Variants in ZNF100 observed in about 807,000 individuals in gnomAD.
The protein encoded by ZNF100 is zinc finger protein 100 (Y1).
In ZNF100, 12 loss-of-function variants were observed where a neutral mutation model predicts 15.8. The observed-to-expected ratio is 0.76, with a 90% CI of 0.49 to 1.23. The LOEUF (loss-of-function observed/expected upper bound fraction) is 1.23. Among genes scored for constraint, ZNF100 ranks in the 50% most tolerant of loss-of-function variants. ZNF100 has a pLI of 0.00. For missense variants in ZNF100, 670 were observed against 635.6 expected (o/e 1.05, Z -0.58); for synonymous variants, 226 against 214.8 (o/e 1.05, Z -0.45).
chr19:21,734,021 G>A lies in ZNF100; in HGVS notation c.323-6032C>T, dbSNP rs184474713. 1.8e-4 allele frequency among the ~76,000 whole-genome samples: 27 copies of A among 152,304 alleles called. No individual in the cohort carries two copies. In the East Asian group the frequency reaches 5.0e-3, roughly 28 times the overall value. ...GGAAAAACAGAAAGCAACCACAGCA[G>A]CATCAACAAAAATGTCCCCACAAAA... On this transcript the variant is annotated intron_variant, in intron 4 of 4. Coordinates refer to ENST00000358296, the MANE Select transcript of ZNF100 (RefSeq NM_173531.4).
At chr19:21,731,636 T>C (rs1385825847) in intron 4 of ZNF100, among the ~76,000 whole-genome samples, 2 of 152,136 alleles carry the variant, frequency 1.3e-5, no homozygotes, top group South Asian at 2.1e-4. Context: ...AATTATCCAA[T>C]AGATATAATT....
At chr19:21,751,866 T>A in intron 2 of ZNF100, 1 of 700,208 alleles carries the variant, frequency 1.4e-6, no homozygotes, top group Non-Finnish European at 2.5e-6. Flanking sequence ...AGAAGGTCTT[T>A]CAGCGCTGAT....
chr19:21,727,942 T>C lies in ZNF100; in HGVS notation c.370A>G (p.Lys124Glu). The change falls in exon 5 of 5, where the codon AAA becomes GAA. Residue 124 changes from lysine (K) to glutamate (E), a missense_variant. Physicochemically the swap from Lys to Glu is moderately conservative, Grantham distance 56. Coordinates refer to ENST00000358296, the MANE Select transcript of ZNF100 (RefSeq NM_173531.4). ...PQDLWAEQDI[K>E]DSFQEAILKK... ...AGAATCGCTTCTTGAAAAGAATCTT[T>C]AATGTCCTGCTCTGCCCAAAGGTCT... 1 of 1,581,126 alleles carries C rather than the reference T, an allele frequency of 6.3e-7. No individual in the cohort carries two copies. Among genetic ancestry groups the C allele is most frequent in the Non-Finnish European group, 8.6e-7 (1 of 1,166,510 alleles).
chr19:21,722,818 T>C lies in ZNF100; in HGVS notation c.*3865A>G, dbSNP rs1024835515. Reference sequence around the variant, plus strand: ...ATTTTAATAAAAGTATGTTACATAATAAAAAATAAATTTAAAATTGTTCAC... The same window carrying C: ...ATTTTAATAAAAGTATGTTACATAACAAAAAATAAATTTAAAATTGTTCAC... On this transcript the variant is annotated 3_prime_UTR_variant, in exon 5 of 5. Transcript: ENST00000358296. The C allele has an allele frequency of 6.7e-6, 1 of 149,456 alleles. No homozygotes were observed. Among genetic ancestry groups the C allele is most frequent in the Admixed American group, 6.7e-5 (1 of 14,824 alleles). 9.3% of individuals were successfully genotyped at this position (149,456 alleles called of 1,614,324 possible).
intron 2 of ZNF100, among the ~76,000 whole-genome samples, chr19:21,745,333 C>T (rs1250179193): frequency 1.3e-5 from 2 of 152,016 alleles, no homozygotes; most frequent in African/African-American, 4.8e-5. Context: ...TAAACACAAA[C>T]ATATACATTT....
intron 2 of ZNF100, chr19:21,751,625 A>T: frequency 6.5e-7 from 1 of 1,539,188 alleles, no homozygotes; most frequent in Non-Finnish European, 9.0e-7. Flanking sequence ...CCAGATCCTC[A>T]AGGACATTAC....
intron 2 of ZNF100, among the ~76,000 whole-genome samples, chr19:21,745,862 G>A (rs2036204892): frequency 6.6e-6 from 1 of 152,154 alleles, no homozygotes; most frequent in Admixed American, 6.5e-5. Flanking sequence ...TAATGCCAAA[G>A]TTTTTGGCCC....
intron 4 of ZNF100, among the ~76,000 whole-genome samples, chr19:21,740,471 A>G (rs1221226279): frequency 6.6e-6 from 1 of 151,156 alleles, no homozygotes; most frequent in African/African-American, 2.5e-5. Context: ...CTACTTCAAA[A>G]TTTATCCACA....
At chr19:21,765,568 C>G (rs369718844) in intron 2 of ZNF100, 126 bp downstream of exon 2, 5 of 808,806 alleles carry the variant, frequency 6.2e-6, no homozygotes, top group Middle Eastern at 3.4e-4. Context: ...CTTAGATGAT[C>G]CAGGGAGCAG....
intron 1 of ZNF100, among the ~76,000 whole-genome samples, 170 bp downstream of exon 1, chr19:21,767,257 G>C (rs951711416): frequency 2.0e-5 from 3 of 152,182 alleles, no homozygotes; most frequent in African/African-American, 7.2e-5. Flanking sequence ...TGGGGTCCTG[G>C]CTGTCAGCGC....
intron 4 of ZNF100, among the ~76,000 whole-genome samples, chr19:21,740,285 C>T (rs536749316): frequency 1.3e-5 from 2 of 152,138 alleles, no homozygotes; most frequent in Non-Finnish European, 2.9e-5. Context: ...AAAGTTGGAT[C>T]ATTTCCTTGA....
intron 2 of ZNF100, among the ~76,000 whole-genome samples, chr19:21,750,165 C>T (rs966327998): frequency 1.3e-5 from 2 of 152,044 alleles, no homozygotes; most frequent in Non-Finnish European, 2.9e-5. Flanking sequence ...AAATTGAATC[C>T]CTGAATAGAC....
At chr19:21,763,913 T>C (rs1301146391) in intron 2 of ZNF100, among the ~76,000 whole-genome samples, 1 of 152,162 alleles carries the variant, frequency 6.6e-6, no homozygotes, top group Non-Finnish European at 1.5e-5. Flanking sequence ...GGAATTCAAA[T>C]TTTTTAAATA....
At chr19:21,737,668 A>G (rs545729154) in intron 4 of ZNF100, among the ~76,000 whole-genome samples, 1 of 152,302 alleles carries the variant, frequency 6.6e-6, no homozygotes, top group East Asian at 1.9e-4. Context: ...CCCTCCCAAG[A>G]CTGAACCAGG....
intron 4 of ZNF100, among the ~76,000 whole-genome samples, chr19:21,733,977 G>C (rs1051311056): frequency 5.9e-5 from 9 of 152,222 alleles, no homozygotes; most frequent in Non-Finnish European, 1.2e-4. Flanking sequence ...CCCTACAGAA[G>C]ACGGGCCTGA....
Position 21,726,646 on chromosome 19 carries a change from AAG to A in ZNF100, c.*35_*36del, listed in dbSNP as rs1280653235. On this transcript the variant is annotated 3_prime_UTR_variant, in exon 5 of 5. Coordinates refer to ENST00000358296, the MANE Select transcript of ZNF100 (RefSeq NM_173531.4). ...CAGTATGAATTTTTTTATGTTTAGT[AAG>A]AGTTGAGGACTGGTAAAAGGCTTTG... is the stretch of plus-strand genomic sequence containing the variant. 6.4e-7 allele frequency: 1 copy of A among 1,551,944 alleles called. No homozygotes were observed. The highest frequency in any genetic ancestry group is 8.7e-7 in the Non-Finnish European group (1 of 1,149,238).
At chr19:21,748,757 T>C (rs146861560) in intron 2 of ZNF100, among the ~76,000 whole-genome samples, 3,662 of 152,256 alleles carry the variant, frequency 0.024, 67 homozygotes, top group Middle Eastern at 0.051. Flanking sequence ...CAGGCTGGAG[T>C]GCAATGGCAC....
intron 4 of ZNF100, among the ~76,000 whole-genome samples, chr19:21,739,133 G>C (rs762141581): frequency 6.6e-6 from 1 of 152,166 alleles, no homozygotes; most frequent in Non-Finnish European, 1.5e-5. Flanking sequence ...GAGGTTTGCA[G>C]AACATGTTCA....
Position 21,722,875 on chromosome 19 carries a change from C to T in ZNF100, c.*3808G>A, listed in dbSNP as rs1183394981. 3 of 151,588 alleles carry T rather than the reference C, an allele frequency of 2.0e-5. No individual in the cohort carries two copies. In the South Asian group the frequency reaches 6.2e-4, roughly 31 times the overall value. The allele number at this position is 151,588 out of a possible 1,614,324, so 9.4% of individuals were successfully genotyped here. A position where few individuals can be genotyped will look rare whatever the true frequency, so the allele number is the denominator to read the frequency against. ...TTAACTCTTAAAAATTTAATTTCTA[C>T]ATTTTCTTGCAAATTTTATGTTTGC... On this transcript the variant is annotated 3_prime_UTR_variant, in exon 5 of 5. Coordinates refer to ENST00000358296, the MANE Select transcript of ZNF100 (RefSeq NM_173531.4).
Sources: allele counts gnomAD v4.1 joint callset (sites outside exome capture counted in the v4.1 genomes callset), GRCh38; gene constraint gnomAD v4.1.1; transcripts MANE v1.5; gene names NCBI Gene and HGNC (gene_info 2026-07-23, HGNC 2026-07-21).